Variants in PDZD2 observed in about 807,000 individuals in gnomAD.
PDZD2 encodes the protein PDZ domain-containing protein 2.
PDZD2 carries 90 observed loss-of-function variants against 220.7 expected under a neutral mutation model. The observed-to-expected ratio is 0.41, with a 90% CI of 0.34 to 0.49. The LOEUF (loss-of-function observed/expected upper bound fraction) is 0.49. Among genes scored for constraint, PDZD2 ranks in the 20% least tolerant of loss-of-function variants. The pLI is 0.28. For synonymous variants in PDZD2, 1,375 were observed against 1,450.5 expected (o/e 0.95, Z 1.18); for missense variants, 3,174 against 3,608.5 (o/e 0.88, Z 3.08).
chr5:31,986,676 C>T (rs993557891), intron 3 of PDZD2, among the ~76,000 whole-genome samples: 2 of 152,012 alleles, frequency 1.3e-5, no homozygotes, highest in African/African-American at 4.8e-5. Flanking sequence ...GAATTTCATT[C>T]CATTTGAATA....
intron 2 of PDZD2, among the ~76,000 whole-genome samples, chr5:31,821,283 G>T (rs1755830813): frequency 7.6e-6 from 1 of 131,676 alleles, no homozygotes; most frequent in South Asian, 2.3e-4. Flanking sequence ...CATTTATTTT[G>T]ATGGAAATTA....
intron 1 of PDZD2, among the ~76,000 whole-genome samples, chr5:31,791,169 A>C (rs922731214): frequency 6.6e-6 from 1 of 152,160 alleles, no homozygotes; most frequent in Non-Finnish European, 1.5e-5. Context: ...AGGGTCCATA[A>C]TGTGGGCTTC....
chr5:31,991,224 T>A (rs1466923403), intron 3 of PDZD2, among the ~76,000 whole-genome samples: 1 of 152,170 alleles, frequency 6.6e-6, no homozygotes, highest in Non-Finnish European at 1.5e-5. Flanking sequence ...CTTGGATGTT[T>A]GATGGAGGAT....
intron 1 of PDZD2, among the ~76,000 whole-genome samples, chr5:31,735,270 A>G (rs541812003): frequency 1.3e-5 from 2 of 152,154 alleles, no homozygotes; most frequent in East Asian, 1.9e-4. Flanking sequence ...CTCACGCACT[A>G]TTTTTGCCTA....
intron 1 of PDZD2, among the ~76,000 whole-genome samples, chr5:31,749,984 C>T (rs535626441): frequency 1.2e-4 from 19 of 152,276 alleles, no homozygotes; most frequent in South Asian, 1.0e-3. Flanking sequence ...ACAGTGGCTC[C>T]GAAACCTGGG....
intron 7 of PDZD2, among the ~76,000 whole-genome samples, chr5:32,046,244 T>G (rs560846556): frequency 6.6e-6 from 1 of 152,228 alleles, no homozygotes; most frequent in South Asian, 2.1e-4. Flanking sequence ...AAGTTTTGTT[T>G]TTGTTTTTGT....
chr5:31,676,929 C>G (rs1746452369), intron 1 of PDZD2, among the ~76,000 whole-genome samples: 1 of 152,032 alleles, frequency 6.6e-6, no homozygotes, highest in Non-Finnish European at 1.5e-5. Context: ...GGGGGTTTGG[C>G]TTTGAGGACT....
rs1754227282 is a variant in PDZD2, at chr5:31,799,086, A to G, written c.-163A>G. On this transcript the variant is annotated 5_prime_UTR_variant, in exon 2 of 25. Coordinates refer to ENST00000438447, the MANE Select transcript of PDZD2 (RefSeq NM_178140.4). ...TCCTAGCTTCCTCCTGCCAAGGCAA[A>G]CAGCATAGTCTCGAGTAGGTGTCCC... The G allele has an allele frequency of 1.7e-6, 1 of 583,780 alleles. No homozygotes were observed. The highest frequency in any genetic ancestry group is 3.0e-5 in the Admixed American group (1 of 33,670). 36.2% of individuals were successfully genotyped at this position (583,780 alleles called of 1,614,324 possible). A position where few individuals can be genotyped will look rare whatever the true frequency, so the allele number is the denominator to read the frequency against.
chr5:31,828,130 C>T (rs1756342509), intron 2 of PDZD2, among the ~76,000 whole-genome samples: 1 of 152,146 alleles, frequency 6.6e-6, no homozygotes, highest in Admixed American at 6.6e-5. Flanking sequence ...CACTTTTTGA[C>T]TATTATGAAT....
intron 2 of PDZD2, among the ~76,000 whole-genome samples, chr5:31,836,183 G>C (rs1363395845): frequency 6.7e-6 from 1 of 149,668 alleles, no homozygotes; most frequent in Non-Finnish European, 1.5e-5. Context: ...ATTTGTGTAA[G>C]CTTGTTTCAA....
chr5:31,958,021 T>G (rs967587194), intron 2 of PDZD2, among the ~76,000 whole-genome samples: 7 of 152,164 alleles, frequency 4.6e-5, no homozygotes, highest in African/African-American at 1.7e-4. Context: ...ACCATTTAAA[T>G]CCAAAATTTA....
At chr5:31,835,437 G>A (rs1381345720) in intron 2 of PDZD2, among the ~76,000 whole-genome samples, 1 of 37,054 alleles carries the variant, frequency 2.7e-5, no homozygotes. Flanking sequence ...TGGCCAACAT[G>A]ATGAAACCTG....
At chr5:31,887,768 C>T (rs570409679) in intron 2 of PDZD2, among the ~76,000 whole-genome samples, 1 of 151,900 alleles carries the variant, frequency 6.6e-6, no homozygotes, top group Non-Finnish European at 1.5e-5. Context: ...TGTGCATGCC[C>T]TGTGTCTCAA....
chr5:32,001,549 C>T (rs1752105615), intron 5 of PDZD2, among the ~76,000 whole-genome samples: 1 of 152,228 alleles, frequency 6.6e-6, no homozygotes, highest in Non-Finnish European at 1.5e-5. Context: ...CCCCTGTCTC[C>T]CTGCCGCCTC....
chr5:31,955,740 G>C (rs1747619160), intron 2 of PDZD2, among the ~76,000 whole-genome samples: 1 of 94,062 alleles, frequency 1.1e-5, no homozygotes, highest in Non-Finnish European at 2.2e-5. Flanking sequence ...TAGGTTATTT[G>C]CAGTCTTAAT....
chr5:31,823,154 CAAAAAAAA>C (rs397997277), intron 2 of PDZD2: 1,361 of 103,968 alleles, frequency 0.013, no homozygotes, highest in South Asian at 0.029. Context: ...GTAGACGTGG[CAAAAAAAA>C]AAAAAAAAAA....
intron 1 of PDZD2, among the ~76,000 whole-genome samples, chr5:31,704,896 C>A (rs1019277917): frequency 6.6e-6 from 1 of 152,136 alleles, no homozygotes; most frequent in Non-Finnish European, 1.5e-5. Flanking sequence ...TGCGGTGGCT[C>A]ACGCTTATAA....
intron 3 of PDZD2, among the ~76,000 whole-genome samples, chr5:31,993,124 G>C (rs777768030): frequency 1.3e-5 from 2 of 152,224 alleles, no homozygotes; most frequent in Non-Finnish European, 2.9e-5. Context: ...TCGAAGGCCA[G>C]GGAGGATGTT....
intron 2 of PDZD2, among the ~76,000 whole-genome samples, chr5:31,920,676 G>T (rs1049953053): frequency 6.6e-6 from 1 of 152,078 alleles, no homozygotes; most frequent in Non-Finnish European, 1.5e-5. Flanking sequence ...ACCAGGCGTG[G>T]TGGTGTGTAT....
Sources: allele counts gnomAD v4.1 joint callset (sites outside exome capture counted in the v4.1 genomes callset), GRCh38; gene constraint gnomAD v4.1.1; transcripts MANE v1.5; gene names NCBI Gene and HGNC (gene_info 2026-07-23, HGNC 2026-07-21).